CHST9: variants seen among roughly 807,000 people sequenced by gnomAD.
CHST9 encodes carbohydrate sulfotransferase 9.
Under a neutral mutation model 44.4 loss-of-function variants are expected in CHST9, and 41 were observed. The observed-to-expected ratio is 0.92, with a 90% confidence interval of 0.72 to 1.20. The LOEUF (loss-of-function observed/expected upper bound fraction) is 1.20. CHST9 is among the 50% of genes most tolerant of loss of function. CHST9 has a pLI of 0.00. For missense variants in CHST9, 504 were observed against 516.5 expected (o/e 0.98, Z 0.23); for synonymous variants, 171 against 178.4 (o/e 0.96, Z 0.33).
intron 2 of CHST9, among the ~76,000 whole-genome samples, chr18:27,072,026 G>A (rs2057846487): frequency 6.6e-6 from 1 of 152,186 alleles, no homozygotes; most frequent in Admixed American, 6.5e-5. Flanking sequence ...AAGTGTGGCT[G>A]TTAGGATGAA....
intron 2 of CHST9, among the ~76,000 whole-genome samples, chr18:27,062,928 C>A (rs1242401986): frequency 1.3e-5 from 2 of 152,082 alleles, no homozygotes; most frequent in Admixed American, 1.3e-4. Context: ...TGAGTCAATT[C>A]TTTTTACTGC....
chr18:27,102,717 T>C (rs2143755525), intron 2 of CHST9, among the ~76,000 whole-genome samples: 1 of 152,364 alleles, frequency 6.6e-6, no homozygotes, highest in East Asian at 1.9e-4. Flanking sequence ...GGTATCACCC[T>C]GAACTTCTCC....
chr18:27,103,429 G>A (rs2058192089), intron 2 of CHST9, among the ~76,000 whole-genome samples: 1 of 152,144 alleles, frequency 6.6e-6, no homozygotes, highest in Non-Finnish European at 1.5e-5. Flanking sequence ...GAAGCACAAG[G>A]TTAATGGCTC....
chr18:26,978,911 G>A (rs565900614), intron 4 of CHST9, among the ~76,000 whole-genome samples: 4 of 152,292 alleles, frequency 2.6e-5, no homozygotes, highest in African/African-American at 9.6e-5. Flanking sequence ...ACGAACCCAA[G>A]GGAGAGTCAA....
intron 2 of CHST9, among the ~76,000 whole-genome samples, chr18:27,109,178 G>A (rs1275036260): frequency 1.3e-5 from 2 of 152,204 alleles, no homozygotes; most frequent in Admixed American, 6.5e-5. Context: ...GCACAGGAAA[G>A]CAGATGATAC....
intron 2 of CHST9, among the ~76,000 whole-genome samples, chr18:27,103,564 C>G (rs142783744): frequency 6.6e-6 from 1 of 152,186 alleles, no homozygotes; most frequent in Non-Finnish European, 1.5e-5. Context: ...AAGATGGTGA[C>G]CGCAAGAGTA....
intron 4 of CHST9, among the ~76,000 whole-genome samples, chr18:26,965,052 AG>A (rs1205717345): frequency 6.6e-6 from 1 of 152,212 alleles, no homozygotes; most frequent in Non-Finnish European, 1.5e-5. Context: ...CATTATTTGT[AG>A]TTGTCCAAAG....
chr18:26,985,346 T>C (rs1287520908), intron 4 of CHST9, among the ~76,000 whole-genome samples: 1 of 152,244 alleles, frequency 6.6e-6, no homozygotes. Flanking sequence ...ATTTATTCTC[T>C]TGCCAAAACC....
chr18:27,005,977 T>C (rs1176729978), intron 4 of CHST9, among the ~76,000 whole-genome samples: 1 of 152,206 alleles, frequency 6.6e-6, no homozygotes, highest in Admixed American at 6.5e-5. Context: ...TATATTCCCA[T>C]AGCTGCATAA....
In CHST9 at chr18:27,142,866, T is replaced by C. The variant is rs2058579545; in HGVS notation, c.-57A>G. 1 of 1,535,450 alleles carries C rather than the reference T, an allele frequency of 6.5e-7. No individual in the cohort carries two copies. The highest frequency in any genetic ancestry group is 1.4e-5 in the African/African-American group (1 of 72,136). On this transcript the variant is annotated 5_prime_UTR_variant, in exon 2 of 6. Transcript: ENST00000618847. ...GATTTGTTTTCCCGTAAAACTTCAG[T>C]CTTTTCTTGTTCTCTAAGAGCCCAA... is the stretch of plus-strand genomic sequence containing the variant.
chr18:27,126,958 G>A (rs571216235), intron 2 of CHST9, among the ~76,000 whole-genome samples: 1 of 152,202 alleles, frequency 6.6e-6, no homozygotes, highest in Admixed American at 6.5e-5. Context: ...GTAGGTGCAG[G>A]CAGAGAGGAA....
chr18:27,036,267 A>G (rs1388918611), intron 3 of CHST9, among the ~76,000 whole-genome samples: 1 of 152,170 alleles, frequency 6.6e-6, no homozygotes, highest in Admixed American at 6.5e-5. Context: ...GCTGAGGATA[A>G]CTGGACTTCC....
At chr18:27,122,680 G>C (rs2058385014) in intron 2 of CHST9, among the ~76,000 whole-genome samples, 1 of 152,116 alleles carries the variant, frequency 6.6e-6, no homozygotes, top group East Asian at 1.9e-4. Flanking sequence ...GAGTGAAGGA[G>C]AAAAAGGCAA....
At chr18:27,140,581 A>G (rs969168464) in intron 2 of CHST9, among the ~76,000 whole-genome samples, 3 of 152,218 alleles carry the variant, frequency 2.0e-5, no homozygotes, top group Admixed American at 6.5e-5. Flanking sequence ...TTATGAGACC[A>G]TGATATGAGC....
At chr18:27,165,194 G>C (rs2058780606) in intron 1 of CHST9, among the ~76,000 whole-genome samples, 1 of 152,160 alleles carries the variant, frequency 6.6e-6, no homozygotes, top group East Asian at 1.9e-4. Flanking sequence ...AATCTAGACA[G>C]AATATTTAGA....
intron 5 of CHST9, among the ~76,000 whole-genome samples, chr18:26,920,258 T>G (rs528878813): frequency 6.6e-6 from 1 of 152,318 alleles, no homozygotes; most frequent in Admixed American, 6.5e-5. Context: ...TCAGTGTTAT[T>G]TCCTGGTTTG....
chr18:27,063,024 G>A (rs1009406218), intron 2 of CHST9, among the ~76,000 whole-genome samples: 30 of 152,188 alleles, frequency 2.0e-4, no homozygotes, highest in Non-Finnish European at 8.8e-5. Flanking sequence ...ACAGGGGCAG[G>A]TGTGTCATGA....
intron 4 of CHST9, among the ~76,000 whole-genome samples, chr18:26,950,248 T>C (rs1196504521): frequency 1.3e-5 from 2 of 152,184 alleles, no homozygotes; most frequent in Admixed American, 6.5e-5. Context: ...AAGTAGAGAT[T>C]ATTCCTCCTA....
At position 26,955,832 on chromosome 18, in the gene CHST9, G is replaced by A. The variant is rs2056315215; in HGVS notation, c.203-11466C>T. Among the ~76,000 whole-genome samples, 5 of 152,210 alleles carry A rather than the reference G, an allele frequency of 3.3e-5. No individual in the cohort carries two copies. In the South Asian group the frequency reaches 1.0e-3, roughly 32 times the overall value. ...CTGGGGGCCTGAAGGGTAAAGCAAG[G>A]GCTGATTCAGAAGGTAACAGGGCAA... On this transcript the variant is annotated intron_variant, in intron 4 of 5. Transcript: ENST00000618847.
Sources: gnomAD v4.1 joint callset for allele counts (sites outside exome capture counted in the v4.1 genomes callset) on GRCh38, gnomAD v4.1.1 for gene constraint, MANE v1.5 for transcripts, NCBI Gene and HGNC (gene_info 2026-07-23, HGNC 2026-07-21) for gene names.